ASXL2: variants seen among roughly 807,000 people sequenced by gnomAD.
ASXL2 encodes the protein ASXL transcriptional regulator 2.
A neutral mutation model predicts 122.0 loss-of-function variants in ASXL2; 23 were observed. The ratio of observed to expected loss-of-function variants is 0.19; its 90% CI spans 0.14 to 0.27. The LOEUF (loss-of-function observed/expected upper bound fraction) is 0.27, where lower values mean the gene tolerates loss of function less well. Ranked by LOEUF, ASXL2 falls within the 10% of genes least tolerant of loss-of-function variation. The pLI, the probability that ASXL2 is intolerant of heterozygous loss-of-function variation, is 1.00. For synonymous variants in ASXL2, 650 were observed against 637.0 expected (o/e 1.02, Z -0.31); for missense variants, 1,518 against 1,713.8 (o/e 0.89, Z 2.02).
intron 3 of ASXL2, chr2:25,809,857 G>A: frequency 2.1e-6 from 1 of 479,826 alleles, no homozygotes. Context: ...GGTCAGCTTT[G>A]GGTAGGCTGG....
At chr2:25,798,704 C>A (rs2088947893) in intron 5 of ASXL2, among the ~76,000 whole-genome samples, 1 of 152,044 alleles carries the variant, frequency 6.6e-6, no homozygotes, top group African/African-American at 2.4e-5. Context: ...GCAGAAGTTG[C>A]AATGAGCTGA....
chr2:25,865,774 CAAAAAAAAAAAA>C (rs61021417), intron 1 of ASXL2, among the ~76,000 whole-genome samples: 26 of 55,550 alleles, frequency 4.7e-4, no homozygotes, highest in Middle Eastern at 0.013. Flanking sequence ...GACTCCGTCT[CAAAAAAAAAAAA>C]AAAAAAAAAA....
intron 1 of ASXL2, among the ~76,000 whole-genome samples, chr2:25,865,851 G>T (rs937878734): frequency 6.8e-6 from 1 of 147,298 alleles, no homozygotes; most frequent in Non-Finnish European, 1.5e-5. Flanking sequence ...TTAAACTAAC[G>T]CTGGACTGTT....
chr2:25,806,451 A>G, intron 3 of ASXL2, 114 bp from the exon 4 acceptor site: 1 of 635,192 alleles, frequency 1.6e-6, no homozygotes, highest in East Asian at 2.8e-5. Flanking sequence ...TGACTTAAAC[A>G]TATCTTATAA....
rs931232786 is a variant in ASXL2 at position 25,771,403 on chromosome 2, A to C, written c.504+37T>G. 3 of 1,562,678 alleles carry C rather than the reference A, an allele frequency of 1.9e-6. No individual in the cohort carries two copies. In the African/African-American group the frequency reaches 4.1e-5, roughly 21 times the overall value. On this transcript the variant is annotated intron_variant, in intron 6 of 12. Coordinates refer to ENST00000435504, the MANE Select transcript of ASXL2 (RefSeq NM_018263.6). ...CAGAGGTGTGCGTTTTAAATACAGG[A>C]AATTCTACTTGATAAATACAGACTA...
At chr2:25,806,691 G>A (rs1489358864) in intron 3 of ASXL2, among the ~76,000 whole-genome samples, 1 of 152,090 alleles carries the variant, frequency 6.6e-6, no homozygotes, top group Non-Finnish European at 1.5e-5. Context: ...AACACACACA[G>A]ATTCAAATAA....
intron 3 of ASXL2, among the ~76,000 whole-genome samples, chr2:25,832,168 C>T (rs1274637869): frequency 1.3e-5 from 2 of 152,288 alleles, no homozygotes; most frequent in Admixed American, 6.5e-5. Flanking sequence ...ACAGACTATG[C>T]TTCTCATAAA....
intron 3 of ASXL2, among the ~76,000 whole-genome samples, chr2:25,814,251 T>A (rs997120913): frequency 6.6e-6 from 1 of 152,100 alleles, no homozygotes; most frequent in Non-Finnish European, 1.5e-5. Flanking sequence ...TTTATTTTTA[T>A]GAATAATAAA....
intron 3 of ASXL2, among the ~76,000 whole-genome samples, chr2:25,812,429 C>T (rs1413096389): frequency 6.6e-6 from 1 of 152,082 alleles, no homozygotes; most frequent in Non-Finnish European, 1.5e-5. Flanking sequence ...CATTGCACTC[C>T]AGCCTGGGCA....
At position 25,744,427 on chromosome 2, in the gene ASXL2, G is replaced by A; in HGVS notation, c.1910C>T (p.Ser637Phe). 1.2e-6 allele frequency: 2 copies of A among 1,612,924 alleles called. No homozygotes were observed. ...GGAGACTGGAAAACGAGCCCTGGGA[G>A]AGACCTGCGATGGATGAAACGGCAT... is the stretch of plus-strand genomic sequence containing the variant. ...SPMPFHPSQV[S>F]PRARFPVSIT... The change falls in exon 13 of 13, where the codon TCT (serine) becomes TTT (phenylalanine). Residue 637 changes from serine (S) to phenylalanine (F), a missense_variant. Ser to Phe is a radical substitution (Grantham distance 155). Coordinates refer to ENST00000435504, the MANE Select transcript of ASXL2 (RefSeq NM_018263.6). This position sits in a 1 kb window ranked among gnomAD's most constrained non-coding sequence, Gnocchi z 4.7.
intron 4 of ASXL2, among the ~76,000 whole-genome samples, chr2:25,801,130 T>C (rs1220023615): frequency 1.3e-5 from 2 of 152,194 alleles, no homozygotes; most frequent in Admixed American, 6.5e-5. Context: ...GGTCCTACTA[T>C]GTTGCCCAGG....
intron 1 of ASXL2, chr2:25,856,951 C>T (rs566179405): frequency 1.9e-4 from 99 of 530,460 alleles, no homozygotes; most frequent in Non-Finnish European, 2.9e-4. Context: ...TTTAATACTA[C>T]ATAGGCTACA....
chr2:25,762,054 ATATT>A (rs2088261226), intron 8 of ASXL2, among the ~76,000 whole-genome samples: 1 of 152,272 alleles, frequency 6.6e-6, no homozygotes, highest in Non-Finnish European at 1.5e-5. Flanking sequence ...AAAGACAATA[ATATT>A]TATTTAAGTC....
chr2:25,875,704 A>T (rs1016796203), intron 1 of ASXL2, among the ~76,000 whole-genome samples: 1 of 152,098 alleles, frequency 6.6e-6, no homozygotes, highest in Non-Finnish European at 1.5e-5. Context: ...ATAGCTCTAC[A>T]ATGGAGGTAT....
rs1008022229 is a variant in ASXL2, at chr2:25,750,118, T to C, written c.1438A>G (p.Ile480Val). Residue 480 changes from isoleucine (I) to valine (V), a missense_variant, in exon 12 of 13, where the codon ATC becomes GTC. Around this residue, in one of 8 missense-constraint regions of ASXL2, gnomAD observed 292 missense variants for 293.5 expected, o/e 1.00. Transcript: ENST00000435504. Reference sequence around the variant, plus strand: ...AGATCCTCATCCTTTGGGCACTTGATGGGAAGAATGCTGCTAAGCTCATGT... The same window carrying C: ...AGATCCTCATCCTTTGGGCACTTGACGGGAAGAATGCTGCTAAGCTCATGT... Reference protein sequence around the residue: ...NTHELSSILPIKCPKDEDLLE... With the variant: ...NTHELSSILPVKCPKDEDLLE... 6.8e-6 allele frequency: 11 copies of C among 1,613,844 alleles called. 1 individual carries two copies. The highest frequency in any genetic ancestry group is 1.3e-5 in the African/African-American group (1 of 74,916).
At chr2:25,758,571 G>T (rs1252605136) in intron 9 of ASXL2, among the ~76,000 whole-genome samples, 1 of 152,072 alleles carries the variant, frequency 6.6e-6, no homozygotes, top group South Asian at 2.1e-4. Context: ...CTTGATGAAA[G>T]CCAAAGTCTC....
chr2:25,750,962 T>C (rs1382071498), intron 11 of ASXL2, among the ~76,000 whole-genome samples: 3 of 152,208 alleles, frequency 2.0e-5, no homozygotes, highest in Non-Finnish European at 4.4e-5. Flanking sequence ...CAATGTTCTA[T>C]AGAGGCTGAG....
In ASXL2 at chr2:25,734,279, T is replaced by C. The variant is rs1224246638; in HGVS notation, c.*7750A>G. 1 of 152,098 alleles carries C rather than the reference T, an allele frequency of 6.6e-6. No homozygotes were observed. Among genetic ancestry groups the C allele is most frequent in the Non-Finnish European group, 1.5e-5 (1 of 68,008 alleles). 9.4% of individuals were successfully genotyped at this position (152,098 alleles called of 1,614,324 possible). A position where few individuals can be genotyped will look rare whatever the true frequency, so the allele number is the denominator to read the frequency against. The stretch of plus-strand genomic sequence containing the variant: ...TCTGTCTCCTTATCTAACAAAGGGG[T>C]AACCAAATCCAAGACTCTGGAAGCA... On this transcript the variant is annotated 3_prime_UTR_variant, in exon 13 of 13. Coordinates refer to ENST00000435504, the MANE Select transcript of ASXL2 (RefSeq NM_018263.6).
chr2:25,749,338 A>G (rs1178527548), intron 12 of ASXL2, among the ~76,000 whole-genome samples: 1 of 152,236 alleles, frequency 6.6e-6, no homozygotes, highest in Non-Finnish European at 1.5e-5. Context: ...TTGGCTGTCA[A>G]TGTTCTACAG....
Sources: allele counts gnomAD v4.1 joint callset (sites outside exome capture counted in the v4.1 genomes callset), GRCh38; gene constraint gnomAD v4.1.1; regional missense constraint gnomAD v4.1.1; non-coding constraint Gnocchi (gnomAD v3.1); transcripts MANE v1.5; gene names NCBI Gene and HGNC (gene_info 2026-07-23, HGNC 2026-07-21).